TF: variants seen among roughly 807,000 people sequenced by gnomAD.
TF encodes transferrin.
Under a neutral mutation model 82.4 loss-of-function variants are expected in TF, and 55 were observed. The ratio of observed to expected loss-of-function variants is 0.67; its 90% CI spans 0.54 to 0.84. TF has a LOEUF of 0.84. Among genes scored for constraint, TF ranks in the 40% least tolerant of loss-of-function variants. The pLI, the probability that TF is intolerant of heterozygous loss-of-function variation, is 0.00. For missense variants in TF, 737 were observed against 868.4 expected, an observed-to-expected ratio of 0.85 and a Z score of 1.90; for synonymous variants, 332 against 332.6, an observed-to-expected ratio of 1.00 and a Z score of 0.02.
chr3:133,724,228 C>T, the TF span, among the ~76,000 whole-genome samples: 13 of 152,304 alleles, frequency 8.5e-5, no homozygotes, highest in African/African-American at 2.9e-4. Context: ...GAGGAATTGC[C>T]ACACTGACTT....
chr3:133,683,352 A>G, the TF span, among the ~76,000 whole-genome samples: 1 of 152,220 alleles, frequency 6.6e-6, no homozygotes, highest in African/African-American at 2.4e-5. Flanking sequence ...CACACATAAC[A>G]ATATGAACCT....
the TF span, among the ~76,000 whole-genome samples, chr3:133,737,077 C>A: frequency 3.6e-3 from 544 of 152,278 alleles, 2 homozygotes; most frequent in African/African-American, 0.012. Context: ...AAGTAAAACA[C>A]TCCTCAGCAA....
chr3:133,684,258 C>A, the TF span, among the ~76,000 whole-genome samples: 2 of 152,112 alleles, frequency 1.3e-5, no homozygotes, highest in Non-Finnish European at 2.9e-5. Flanking sequence ...CAGGAAAGCT[C>A]TAAAATTGAC....
At chr3:133,761,271 C>G (rs1933984526) in intron 9 of TF, 1 of 202,174 alleles carries the variant, frequency 4.9e-6, no homozygotes, top group African/African-American at 2.3e-5. Context: ...TACCTGTGGC[C>G]CATGTTCTAG....
chr3:133,699,520 G>A, the TF span: 1 of 1,061,676 alleles, frequency 9.4e-7, no homozygotes, highest in Non-Finnish European at 1.3e-6. Context: ...CTGGTAGTTG[G>A]ATACAAGGAC....
Position 133,779,025 on chromosome 3 carries a change from C to T in TF, c.*405C>T, listed in dbSNP as rs573525022. On this transcript the variant is annotated 3_prime_UTR_variant, in exon 17 of 17. Transcript: ENST00000402696. Reference sequence around the variant, plus strand: ...AAATGTATACTGGTGTGTGTGTGCACGTGCGCGTGCGTGTGTCATGCTAAG... The same window carrying T: ...AAATGTATACTGGTGTGTGTGTGCATGTGCGCGTGCGTGTGTCATGCTAAG... 14 of 227,064 alleles carry T rather than the reference C, an allele frequency of 6.2e-5. No individual in the cohort carries two copies. In the East Asian group the frequency reaches 8.8e-4, roughly 14 times the overall value. The allele number at this position is 227,064 out of a possible 1,614,324, so 14.1% of individuals were successfully genotyped here. A position where few individuals can be genotyped will look rare whatever the true frequency, so the allele number is the denominator to read the frequency against.
At position 133,787,979 on chromosome 3, in the gene TF, C is replaced by T. The variant is rs1446525636; in HGVS notation, c.*9359C>T. Reference sequence around the variant, plus strand: ...TAAGTGACACATGGGCCCATATCCACCAGGTTGGTGGTGCAGAGGAGCTGG... The same window carrying T: ...TAAGTGACACATGGGCCCATATCCATCAGGTTGGTGGTGCAGAGGAGCTGG... On this transcript the variant is annotated 3_prime_UTR_variant, in exon 17 of 17. Coordinates refer to ENST00000402696, the MANE Select transcript of TF (RefSeq NM_001063.4). 6.6e-6 allele frequency: 1 copy of T among 152,124 alleles called. No individual in the cohort carries two copies. The highest frequency in any genetic ancestry group is 1.5e-5 in the Non-Finnish European group (1 of 68,032). 9.4% of individuals were successfully genotyped at this position (152,124 alleles called of 1,614,324 possible). A position where few individuals can be genotyped will look rare whatever the true frequency, so the allele number is the denominator to read the frequency against.
chr3:133,735,540 G>A, the TF span, among the ~76,000 whole-genome samples: 1 of 151,914 alleles, frequency 6.6e-6, no homozygotes, highest in Non-Finnish European at 1.5e-5. Flanking sequence ...CCCAATGCAA[G>A]GAAGCTAAAA....
intron 9 of TF, among the ~76,000 whole-genome samples, chr3:133,762,957 A>G (rs1178953475): frequency 6.6e-6 from 1 of 152,214 alleles, no homozygotes; most frequent in Non-Finnish European, 1.5e-5. Context: ...CTAGATTTTT[A>G]CTTCTTAAGA....
At position 133,755,475 on chromosome 3, in the gene TF, C is replaced by G; in HGVS notation, c.615C>G (p.Phe205Leu). 1.2e-6 allele frequency: 2 copies of G among 1,614,134 alleles called. No individual in the cohort carries two copies. Among genetic ancestry groups the G allele is most frequent in the Non-Finnish European group, 1.7e-6 (2 of 1,179,976 alleles). ...GCGCSTLNQY[F>L]GYSGAFKCLK... ...GCTGCTCCACCCTTAACCAATACTT[C>G]GGCTACTCGGGAGCCTTCAAGTGAG... The change falls in exon 5 of 17, where the codon TTC becomes TTG. Residue 205 changes from phenylalanine to leucine, a missense_variant. Transcript: ENST00000402696.
At chr3:133,698,009 T>C in the TF span, among the ~76,000 whole-genome samples, 1 of 152,206 alleles carries the variant, frequency 6.6e-6, no homozygotes, top group African/African-American at 2.4e-5. Context: ...ACTCCTGTGA[T>C]AACAAGACTG....
chr3:133,748,603 A>T lies in TF; in HGVS notation c.216+19A>T. 1 of 1,613,854 alleles carries T rather than the reference A, an allele frequency of 6.2e-7. No individual in the cohort carries two copies. Among genetic ancestry groups the T allele is most frequent in the African/African-American group, 1.3e-5 (1 of 75,012 alleles). ...CATTGCGGTAAGTCGCTGCTGCCTAAAAGAGAGTGGAAGAAAGCCATACTT... is the reference window on the plus strand; with the variant it reads ...CATTGCGGTAAGTCGCTGCTGCCTATAAGAGAGTGGAAGAAAGCCATACTT... On this transcript the variant is annotated intron_variant, in intron 2 of 16. Transcript: ENST00000402696.
chr3:133,718,459 T>G, the TF span, among the ~76,000 whole-genome samples: 3 of 152,014 alleles, frequency 2.0e-5, no homozygotes. Context: ...CATAATGAAT[T>G]CTGTGTTTTC....
At position 133,787,435 on chromosome 3, in the gene TF, T is replaced by C. The variant is rs567906443; in HGVS notation, c.*8815T>C. ...AGATACCTCCGATTATAGCCACTGA[T>C]ACATGTGCAATTTTATTTTACAGTG... is the stretch of plus-strand genomic sequence containing the variant. On this transcript the variant is annotated 3_prime_UTR_variant, in exon 17 of 17. Coordinates refer to ENST00000402696, the MANE Select transcript of TF (RefSeq NM_001063.4). 1 of 152,358 alleles carries C rather than the reference T, an allele frequency of 6.6e-6. No individual in the cohort carries two copies. The highest frequency in any genetic ancestry group is 1.9e-4 in the East Asian group (1 of 5,188). The allele number at this position is 152,358 out of a possible 1,614,324, so 9.4% of individuals were successfully genotyped here.
chr3:133,777,782 A>G lies in TF; in HGVS notation c.2062+544A>G, dbSNP rs1023420449. 8 of 159,368 alleles carry G rather than the reference A, an allele frequency of 5.0e-5. No individual in the cohort carries two copies. In the East Asian group the frequency reaches 1.5e-3, roughly 29 times the overall value. 9.9% of individuals were successfully genotyped at this position (159,368 alleles called of 1,614,324 possible). ...GCTTCAACAATGATAGGTTCTGGTA[A>G]CCATAAAGTTGCTATGCATACTACT... On this transcript the variant is annotated intron_variant, in intron 16 of 16. Coordinates refer to ENST00000402696, the MANE Select transcript of TF (RefSeq NM_001063.4).
rs1296621156 is a variant in TF at position 133,752,827 on chromosome 3, G to A, written c.217-768G>A. On this transcript the variant is annotated intron_variant, in intron 2 of 16. Coordinates refer to ENST00000402696, the MANE Select transcript of TF (RefSeq NM_001063.4). ...GGAGCTGAGAGAGAAAGAGAGATGA[G>A]CTGCCCATGTGTTGGAGTAGACAAT... Among the ~76,000 whole-genome samples the A allele has an allele frequency of 2.0e-5, 3 of 152,162 alleles. No individual in the cohort carries two copies. The South Asian group carries it at 6.2e-4, about 32-fold the overall frequency.
chr3:133,756,995 C>G lies in TF; in HGVS notation c.856C>G (p.Leu286Val). 6.2e-7 allele frequency: 1 copy of G among 1,614,168 alleles called. No individual in the cohort carries two copies. The highest frequency in any genetic ancestry group is 8.5e-7 in the Non-Finnish European group (1 of 1,180,026). The change falls in exon 7 of 17, where the codon CTC becomes GTC. Residue 286 changes from leucine to valine, a missense_variant. Leu to Val is a conservative substitution (Grantham distance 32). Transcript: ENST00000402696. ...GGKEDLIWELLNQAQEHFGKD... is the reference protein window; with the variant it reads ...GGKEDLIWELVNQAQEHFGKD... ...CAAGGAGGACTTGATCTGGGAGCTT[C>G]TCAACCAGGCCCAGGTATCCCCACC...
chr3:133,758,576 GA>G (rs1472376065), intron 8 of TF, among the ~76,000 whole-genome samples: 1 of 152,076 alleles, frequency 6.6e-6, no homozygotes, highest in Admixed American at 6.6e-5. Flanking sequence ...TTTAAAAGGG[GA>G]AAAATATGAC....
the TF span, among the ~76,000 whole-genome samples, chr3:133,714,934 C>T: frequency 0.01 from 1,586 of 152,252 alleles, 28 homozygotes; most frequent in African/African-American, 0.036. Flanking sequence ...CCACCCGCCT[C>T]GGCCTCCCAA....
Sources: allele counts gnomAD v4.1 joint callset (sites outside exome capture counted in the v4.1 genomes callset), GRCh38; gene constraint gnomAD v4.1.1; transcripts MANE v1.5; gene names NCBI Gene and HGNC (gene_info 2026-07-23, HGNC 2026-07-21).